The following PIN4 variants were observed in gnomAD, a reference collection of about 807,000 sequenced individuals.
The protein encoded by PIN4 is peptidyl-prolyl cis-trans isomerase NIMA-interacting 4.
In PIN4, 3 loss-of-function variants were observed where a neutral mutation model predicts 8.3. The ratio of observed to expected loss-of-function variants is 0.36; its 90% CI spans 0.16 to 0.93. The LOEUF (loss-of-function observed/expected upper bound fraction) is 0.93. PIN4 is among the 40% of genes least tolerant of loss of function. The pLI, the probability that PIN4 is intolerant of heterozygous loss-of-function variation, is 0.44. For missense variants in PIN4, 75 were observed against 100.6 expected (o/e 0.75, Z 1.09); for synonymous variants, 18 against 32.5 (o/e 0.55, Z 1.52).
intron 3 of PIN4, among the ~76,000 whole-genome samples, chrX:72,250,463 G>T (rs1176649904): frequency 9.0e-6 from 1 of 110,678 alleles, no homozygotes; most frequent in Non-Finnish European, 1.9e-5. Context: ...AACTTCCTTA[G>T]ATTTGATGGC....
chrX:72,196,752 C>T, intron 2 of PIN4, 33 bp from the exon 3 acceptor site: 2 of 1,179,940 alleles, frequency 1.7e-6, no homozygotes, highest in South Asian at 1.9e-5. Context: ...TTTGGGTCTC[C>T]AAGTATTACA....
chrX:72,246,309 C>G (rs1177160303), intron 3 of PIN4, among the ~76,000 whole-genome samples: 2 of 111,778 alleles, frequency 1.8e-5, no homozygotes, highest in African/African-American at 6.5e-5. Flanking sequence ...AATCACTTCT[C>G]TCCATCTCCA....
At chrX:72,237,254 T>C (rs1163635897) in intron 3 of PIN4, among the ~76,000 whole-genome samples, 1 of 111,355 alleles carries the variant, frequency 9.0e-6, no homozygotes, top group Non-Finnish European at 1.9e-5. Context: ...CTCAACACTT[T>C]GGGAGGCCGA....
At chrX:72,230,753 C>T (rs934496996) in intron 3 of PIN4, among the ~76,000 whole-genome samples, 1 of 111,483 alleles carries the variant, frequency 9.0e-6, no homozygotes, top group African/African-American at 3.3e-5. Flanking sequence ...CGCTTGAGCT[C>T]AGGAGTTTAA....
intron 2 of PIN4, among the ~76,000 whole-genome samples, chrX:72,189,346 G>A (rs188400296): frequency 6.3e-5 from 7 of 110,747 alleles, no homozygotes; most frequent in Admixed American, 9.6e-5. Context: ...AACTATACCC[G>A]CTTCCCTCCT....
rs760469735 is a variant in PIN4 at position 72,216,616 on chromosome X, CTG to C, written c.312+19716_312+19717del. Reference sequence around the variant, plus strand: ...GTGACATCTAATCTACTGTTTGTCTCTGTGTATGTGCCTATTCTAGATATTTC... The same window carrying C: ...GTGACATCTAATCTACTGTTTGTCTCTGTATGTGCCTATTCTAGATATTTC... On this transcript the variant is annotated intron_variant, in intron 3 of 3. Coordinates refer to the PIN4 transcript ENST00000423432. Among the ~76,000 whole-genome samples the C allele has an allele frequency of 3.1e-3, 345 of 111,662 alleles. 1 individual carries two copies. The highest frequency in any genetic ancestry group is 0.011 in the African/African-American group (330 of 30,741).
chrX:72,205,568 C>T, intron 3 of PIN4: 1 of 1,210,929 alleles, frequency 8.3e-7, no homozygotes, highest in Non-Finnish European at 1.1e-6. Flanking sequence ...GGACTGATGT[C>T]ATTTTTGGGA....
chrX:72,235,591 T>A (rs2043013037), intron 3 of PIN4, among the ~76,000 whole-genome samples: 1 of 109,600 alleles, frequency 9.1e-6, no homozygotes, highest in Non-Finnish European at 1.9e-5. Context: ...AACGGTTTCA[T>A]CACGTTGGCC....
At position 72,197,413 on chromosome X, in the gene PIN4, C is replaced by A. The variant is rs1354538511; in HGVS notation, c.283C>A (p.Gln95Lys). The A allele has an allele frequency of 4.1e-6, 5 of 1,204,971 alleles. No individual in the cohort carries two copies. Among genetic ancestry groups the A allele is most frequent in the Admixed American group, 2.2e-5 (1 of 45,541 alleles). Residue 95 changes from glutamine to lysine, a missense_variant, in exon 4 of 4, where the codon CAA (glutamine) becomes AAA (lysine). Physicochemically the swap from Gln to Lys is moderately conservative, Grantham distance 53. Transcript: ENST00000373669. The part of the protein sequence containing the change: ...MTRGSMVGPF[Q>K]EAAFALPVSG... ...CAGAGGGTCCATGGTGGGACCATTT[C>A]AAGAAGCAGCATTTGCCTTGCCTGT...
intron 3 of PIN4, chrX:72,207,029 C>A: frequency 8.3e-7 from 1 of 1,211,776 alleles, no homozygotes; most frequent in Non-Finnish European, 1.1e-6. Flanking sequence ...CTATAAACCA[C>A]AACATTCTCT....
intron 3 of PIN4, among the ~76,000 whole-genome samples, chrX:72,220,194 CCAAGCAATCACAT>C (rs1224878445): frequency 9.1e-6 from 1 of 110,077 alleles, no homozygotes; most frequent in African/African-American, 3.3e-5. Flanking sequence ...GAGATGTCAA[CCAAGCAATCACAT>C]ATAGGAGTAT....
At chrX:72,198,463 A>G, downstream of PIN4, 1 of 243,815 alleles carries the variant, frequency 4.1e-6, no homozygotes, top group Non-Finnish European at 5.8e-6. Context: ...ACTTGAGAAG[A>G]GTTTCTGAGC....
At chrX:72,224,841 CTCTAA>C (rs1016982151) in intron 3 of PIN4, among the ~76,000 whole-genome samples, 1 of 111,108 alleles carries the variant, frequency 9.0e-6, no homozygotes, top group African/African-American at 3.3e-5. Context: ...ACCCACCATT[CTCTAA>C]TTCAAATCTC....
At chrX:72,259,751 G>A (rs1378580232) in intron 3 of PIN4, among the ~76,000 whole-genome samples, 3 of 70,423 alleles carry the variant, frequency 4.3e-5, no homozygotes, top group Non-Finnish European at 7.6e-5. Flanking sequence ...TTTTTTTTGA[G>A]ACAGAGTCTC....
At chrX:72,205,830 A>G (rs770226815) in intron 3 of PIN4, 53 of 1,209,919 alleles carry the variant, frequency 4.4e-5, no homozygotes, top group Non-Finnish European at 5.2e-5. Context: ...CACACAAGCT[A>G]TTTTCTTTCT....
chrX:72,187,820 TA>T (rs1345382666), intron 2 of PIN4, among the ~76,000 whole-genome samples: 1 of 111,847 alleles, frequency 8.9e-6, no homozygotes, highest in African/African-American at 3.2e-5. Context: ...AAATAAAAAG[TA>T]AGAGATGGTC....
intron 2 of PIN4, among the ~76,000 whole-genome samples, chrX:72,187,174 T>C (rs2042707880): frequency 8.9e-6 from 1 of 111,973 alleles, no homozygotes; most frequent in African/African-American, 3.2e-5. Flanking sequence ...AGTCCTCTGC[T>C]GAATAAACAG....
At chrX:72,220,965 A>C (rs184470565) in intron 3 of PIN4, among the ~76,000 whole-genome samples, 99 of 111,961 alleles carry the variant, frequency 8.8e-4, no homozygotes, top group African/African-American at 3.1e-3. Context: ...GCAGCTCATC[A>C]TAAGTTAATT....
At chrX:72,188,733 A>G (rs2042716576) in intron 2 of PIN4, among the ~76,000 whole-genome samples, 1 of 111,577 alleles carries the variant, frequency 9.0e-6, no homozygotes, top group African/African-American at 3.3e-5. Flanking sequence ...TATGTTGCCC[A>G]GGCTGGTCTT....
Sources: allele counts gnomAD v4.1 joint callset (sites outside exome capture counted in the v4.1 genomes callset), GRCh38; gene constraint gnomAD v4.1.1; transcripts MANE v1.5; gene names NCBI Gene and HGNC (gene_info 2026-07-23, HGNC 2026-07-21).